The following AFF1 variants were observed in gnomAD, a reference collection of about 807,000 sequenced individuals.
AFF1 encodes the protein ALF transcription elongation factor 1.
Under a neutral mutation model 121.7 loss-of-function variants are expected in AFF1, and 48 were observed. That is an observed-to-expected ratio of 0.39 (90% CI 0.31 to 0.50). AFF1 has a LOEUF of 0.50. AFF1 is among the 20% of genes least tolerant of loss of function. The pLI, the probability that AFF1 is intolerant of heterozygous loss-of-function variation, is 0.76. For missense variants in AFF1, 1,523 were observed against 1,511.7 expected (o/e 1.01, Z -0.12); for synonymous variants, 613 against 563.0 (o/e 1.09, Z -1.26).
rs188791842 is a variant in AFF1 at position 87,063,228 on chromosome 4, C to G, written c.1059+15634C>G. Among the ~76,000 whole-genome samples, 6 of 44,438 alleles carry G rather than the reference C, an allele frequency of 1.4e-4. No homozygotes were observed. The Admixed American group carries it at 1.8e-3, about 13-fold the overall frequency. 29.2% of individuals were successfully genotyped at this position (44,438 alleles called of 152,430 possible). A position where few individuals can be genotyped will look rare whatever the true frequency, so the allele number is the denominator to read the frequency against. On this transcript the variant is annotated intron_variant, in intron 4 of 20. Transcript: ENST00000395146. ...ATGTATAAGCATAGTAGATTCACCT[C>G]TTTTTTTTTTTTTTTTTTTTTTTTT... is the stretch of plus-strand genomic sequence containing the variant.
At chr4:87,097,767 TG>T (rs2149729660) in intron 8 of AFF1, among the ~76,000 whole-genome samples, 1 of 152,234 alleles carries the variant, frequency 6.6e-6, no homozygotes, top group East Asian at 1.9e-4. Context: ...CAGAATGAAA[TG>T]TATCCTTGGG....
chr4:86,949,537 A>ATTCTTT, intron 2 of AFF1: 1 of 245,742 alleles, frequency 4.1e-6, no homozygotes, highest in Non-Finnish European at 6.7e-6. Context: ...TATTATTATT[A>ATTCTTT]TTTTTTTTTT....
chr4:87,018,463 G>A (rs1727574401), intron 2 of AFF1, among the ~76,000 whole-genome samples: 1 of 152,252 alleles, frequency 6.6e-6, no homozygotes, highest in Non-Finnish European at 1.5e-5. Context: ...ATGACACAGA[G>A]AAAGGTAATT....
At chr4:87,020,548 A>G (rs1432992165) in intron 2 of AFF1, among the ~76,000 whole-genome samples, 1 of 152,084 alleles carries the variant, frequency 6.6e-6, no homozygotes, top group Non-Finnish European at 1.5e-5. Context: ...GCAGTGGCGC[A>G]ATTTCGGCTC....
At chr4:87,119,206 A>C (rs1018549030) in intron 12 of AFF1, among the ~76,000 whole-genome samples, 4 of 151,906 alleles carry the variant, frequency 2.6e-5, no homozygotes, top group African/African-American at 9.7e-5. Flanking sequence ...TTTTTTCCAG[A>C]TTTGGAAGAA....
chr4:87,046,199 TAG>T lies in AFF1; in HGVS notation c.78_79del (p.Lys27GlyfsTer16), dbSNP rs749445953. The T allele has an allele frequency of 6.2e-7, 1 of 1,613,832 alleles. No homozygotes were observed. The highest frequency in any genetic ancestry group is 8.5e-7 in the Non-Finnish European group (1 of 1,179,918). On this transcript the variant is annotated frameshift_variant, in exon 3 of 21. Coordinates refer to ENST00000395146, the MANE Select transcript of AFF1 (RefSeq NM_001166693.3). LOFTEE classifies it high-confidence loss of function. ...ATGACGACAGAAACCTGCTTCGAAT[TAG>T]AGAGAAGGAAAGACGCAACCAGGAA... The part of the protein sequence containing the change: ...YNDDRNLLRI[R>X]EKERRNQEAH...
At chr4:87,059,939 ACG>A (rs988510114) in intron 4 of AFF1, among the ~76,000 whole-genome samples, 108 of 152,320 alleles carry the variant, frequency 7.1e-4, no homozygotes, top group African/African-American at 2.6e-3. Flanking sequence ...GAACTTTGCT[ACG>A]CTGTGCTCAG....
rs971875980 is a variant in AFF1, at chr4:87,094,645, G to A, written c.1229-270G>A. 2.6e-5 allele frequency among the ~76,000 whole-genome samples: 4 copies of A among 152,360 alleles called. No individual in the cohort carries two copies. In the South Asian group the frequency reaches 8.3e-4, roughly 32 times the overall value. On this transcript the variant is annotated intron_variant, in intron 7 of 20. Transcript: ENST00000395146. ...GGCCTCCACCCCTGTCAAGGACAGG[G>A]AGGTCTTCCAACAGGTAGGTAAGTT...
chr4:87,002,267 A>C (rs1375507475), intron 2 of AFF1, among the ~76,000 whole-genome samples: 1 of 150,926 alleles, frequency 6.6e-6, no homozygotes, highest in Admixed American at 6.6e-5. Context: ...TAATTACAAA[A>C]ATTTTTTTAG....
intron 2 of AFF1, among the ~76,000 whole-genome samples, chr4:86,993,170 C>T (rs1259847325): frequency 1.3e-5 from 2 of 152,156 alleles, no homozygotes; most frequent in Non-Finnish European, 2.9e-5. Context: ...AAATCCATAC[C>T]TCCAATTAGG....
intron 2 of AFF1, among the ~76,000 whole-genome samples, chr4:87,039,805 A>G (rs975464459): frequency 3.9e-5 from 6 of 152,002 alleles, no homozygotes; most frequent in Admixed American, 1.3e-4. Flanking sequence ...TTCCAGTAGA[A>G]CTCATGGTGT....
chr4:87,135,653 T>C lies in AFF1; in HGVS notation c.3609T>C (p.Tyr1203=). 1 of 1,613,178 alleles carries C rather than the reference T, an allele frequency of 6.2e-7. No homozygotes were observed. The highest frequency in any genetic ancestry group is 8.5e-7 in the Non-Finnish European group (1 of 1,179,522). ...LNSSLVDLVH[Y]TRQGFQQLQE... ...GCAGTTTGGTGGACCTGGTGCACTA[T>C]ACACGACAGGGTTTTCAGCAGCTAC... The change falls in exon 21 of 21, where the codon TAT becomes TAC. Residue 1203 remains tyrosine, a synonymous_variant. Coordinates refer to ENST00000395146, the MANE Select transcript of AFF1 (RefSeq NM_001166693.3).
At chr4:86,941,514 C>G (rs977997881) in intron 1 of AFF1, among the ~76,000 whole-genome samples, 3 of 152,114 alleles carry the variant, frequency 2.0e-5, no homozygotes, top group Admixed American at 6.5e-5. Flanking sequence ...CAAAAATTAG[C>G]CGGCGTGGTA....
Position 86,935,073 on chromosome 4 carries a change from T to G in AFF1, c.-204T>G, listed in dbSNP as rs1748335593. ...GCACTCGGCCGCCGCCTGCGCGCGTTGCGGCCGCAGCTGCACCTTTGCCTC... is the reference window on the plus strand; with the variant it reads ...GCACTCGGCCGCCGCCTGCGCGCGTGGCGGCCGCAGCTGCACCTTTGCCTC... On this transcript the variant is annotated 5_prime_UTR_variant, in exon 1 of 21. Coordinates refer to ENST00000395146, the MANE Select transcript of AFF1 (RefSeq NM_001166693.3). 1 of 151,988 alleles carries G rather than the reference T, an allele frequency of 6.6e-6. No individual in the cohort carries two copies. The highest frequency in any genetic ancestry group is 6.6e-5 in the Admixed American group (1 of 15,264). The allele number at this position is 151,988 out of a possible 1,614,324, so 9.4% of individuals were successfully genotyped here. A position where few individuals can be genotyped will look rare whatever the true frequency, so the allele number is the denominator to read the frequency against.
intron 2 of AFF1, among the ~76,000 whole-genome samples, chr4:87,022,712 CTG>C (rs139922655): frequency 0.044 from 6,323 of 143,804 alleles, 446 homozygotes; most frequent in African/African-American, 0.16. Flanking sequence ...ATATATATAT[CTG>C]TGTGTATATA....
At chr4:86,957,360 T>G (rs138397475) in intron 2 of AFF1, among the ~76,000 whole-genome samples, 64 of 152,194 alleles carry the variant, frequency 4.2e-4, no homozygotes, top group Admixed American at 4.1e-3. Context: ...TTCTCCTGTT[T>G]TGCAGAAGCT....
rs61734709 is a variant in AFF1 at position 87,126,161 on chromosome 4, C to T, written c.2636C>T (p.Ser879Leu). 6.2e-5 allele frequency: 100 copies of T among 1,614,164 alleles called. No individual in the cohort carries two copies. The African/African-American group carries it at 8.7e-4, about 14-fold the overall frequency. ...ATGCTCCCCCCGCCACCCGTGTCCTCGTCCTCCCAGAAGCCAGCCAAGCCT... is the reference window on the plus strand; with the variant it reads ...ATGCTCCCCCCGCCACCCGTGTCCTTGTCCTCCCAGAAGCCAGCCAAGCCT... ...KEMLPPPPVS[S>L]SSQKPAKPAL... is the part of the protein sequence containing the mutation. Residue 879 changes from serine to leucine, a missense_variant, in exon 14 of 21, where the codon TCG (serine) becomes TTG (leucine). Ser to Leu is a moderately radical substitution (Grantham distance 145, BLOSUM62 -2). This residue lies in a region of AFF1 where 905 missense variants were observed against 842.5 expected (regional missense o/e 1.07). Transcript: ENST00000395146.
chr4:86,997,631 G>A (rs1382873418), intron 2 of AFF1, among the ~76,000 whole-genome samples: 2 of 151,704 alleles, frequency 1.3e-5, no homozygotes, highest in African/African-American at 4.8e-5. Context: ...GTGTGGTGAC[G>A]GGCGCCTGTA....
At chr4:87,111,162 C>T (rs1726485681) in intron 11 of AFF1, among the ~76,000 whole-genome samples, 1 of 81,630 alleles carries the variant, frequency 1.2e-5, no homozygotes, top group African/African-American at 4.2e-5. Flanking sequence ...CGCCCGCTAC[C>T]ACGCCCGGCT....
Sources: gnomAD v4.1 joint callset for allele counts (sites outside exome capture counted in the v4.1 genomes callset) on GRCh38, gnomAD v4.1.1 for gene constraint, gnomAD v4.1.1 regional missense constraint, MANE v1.5 for transcripts, NCBI Gene and HGNC (gene_info 2026-07-23, HGNC 2026-07-21) for gene names.